The following BDH2 variants were observed in gnomAD, a reference collection of about 807,000 sequenced individuals.
The protein encoded by BDH2 is 3-hydroxybutyrate dehydrogenase 2.
In BDH2, 24 loss-of-function variants were observed where a neutral mutation model predicts 33.2. That is an observed-to-expected ratio of 0.72 (90% CI 0.52 to 1.02). BDH2 has a LOEUF of 1.02. Ranked by LOEUF, BDH2 falls within the 50% of genes least tolerant of loss-of-function variation. The probability of loss-of-function intolerance (pLI) is 0.00; values close to 1 mark genes in which losing one functional copy is unlikely to be tolerated. For synonymous variants in BDH2, 81 were observed against 101.6 expected (o/e 0.80, Z 1.22); for missense variants, 249 against 301.6 (o/e 0.83, Z 1.29).
At chr4:103,095,877 C>T (rs956781342) in intron 2 of BDH2, among the ~76,000 whole-genome samples, 2 of 152,118 alleles carry the variant, frequency 1.3e-5, no homozygotes, top group African/African-American at 4.8e-5. Context: ...AGCTGTGTAA[C>T]CCTGTTTGCC....
Position 103,084,890 on chromosome 4 carries a change from T to C in BDH2, c.532+459A>G, listed in dbSNP as rs111635099. 7.7e-3 allele frequency among the ~76,000 whole-genome samples: 1,156 copies of C among 150,358 alleles called. 11 individuals carry two copies. The highest frequency in any genetic ancestry group is 0.026 in the African/African-American group (1,066 of 40,542). ...AGGTTTGAAAGGTCCCCAGGTCATA[T>C]TGAAATGTTTCCCTTTCACACACCA... On this transcript the variant is annotated intron_variant, in intron 7 of 9. Coordinates refer to ENST00000296424, the MANE Select transcript of BDH2 (RefSeq NM_020139.4).
At chr4:103,097,352 G>A (rs919532236) in intron 1 of BDH2, among the ~76,000 whole-genome samples, 7 of 152,192 alleles carry the variant, frequency 4.6e-5, no homozygotes, top group Admixed American at 1.3e-4. Context: ...CACTGACACC[G>A]GGGCTCATGT....
chr4:103,091,413 A>G, intron 4 of BDH2, 128 bp from the exon 5 acceptor site: 1 of 608,038 alleles, frequency 1.6e-6, no homozygotes, highest in Non-Finnish European at 3.0e-6. Context: ...ACTTTAAACA[A>G]TTCATAGTAT....
intron 1 of BDH2, among the ~76,000 whole-genome samples, chr4:103,096,675 G>C (rs1314776774): frequency 6.6e-6 from 1 of 151,728 alleles, no homozygotes; most frequent in South Asian, 2.1e-4. Context: ...TGAGTAGCTG[G>C]GATTACAGGT....
chr4:103,092,399 C>T lies in BDH2; in HGVS notation c.248+201G>A, dbSNP rs933689774. Reference sequence around the variant, plus strand: ...TCTGTCTTGAGTAGACCTCATTTGCCCCAGATCATGTCAAACTCTAAGGCT... The same window carrying T: ...TCTGTCTTGAGTAGACCTCATTTGCTCCAGATCATGTCAAACTCTAAGGCT... On this transcript the variant is annotated intron_variant, in intron 4 of 9. Transcript: ENST00000296424. The T allele has an allele frequency of 4.3e-5, 25 of 576,784 alleles. No homozygotes were observed. In the African/African-American group the frequency reaches 4.5e-4, roughly 10 times the overall value. 35.7% of individuals were successfully genotyped at this position (576,784 alleles called of 1,614,324 possible). A position where few individuals can be genotyped will look rare whatever the true frequency, so the allele number is the denominator to read the frequency against.
At chr4:103,084,235 A>G (rs1032656041) in intron 7 of BDH2, among the ~76,000 whole-genome samples, 4 of 152,236 alleles carry the variant, frequency 2.6e-5, no homozygotes, top group African/African-American at 9.6e-5. Flanking sequence ...CATATCTTAC[A>G]TATGACTGGT....
At position 103,079,663 on chromosome 4, in the gene BDH2, G is replaced by T; in HGVS notation, c.*39C>A. ...TCGTAACCAGGTTCACTGTGGATAG[G>T]AAGGGCCTGCCTTCCTTCCCACCAT... On this transcript the variant is annotated 3_prime_UTR_variant, in exon 10 of 10. Coordinates refer to ENST00000296424, the MANE Select transcript of BDH2 (RefSeq NM_020139.4). 1 of 1,594,428 alleles carries T rather than the reference G, an allele frequency of 6.3e-7. No homozygotes were observed. The highest frequency in any genetic ancestry group is 8.6e-7 in the Non-Finnish European group (1 of 1,162,806).
In BDH2 at chr4:103,079,700, A is replaced by T. The variant is rs200566395; in HGVS notation, c.*2T>A. On this transcript the variant is annotated 3_prime_UTR_variant, in exon 10 of 10. Transcript: ENST00000296424. ...TTCCTTCCCACCATGGAGATCCTAA[A>T]ATCACAAGCTCCAGCCTCCATCAAT... 5.6e-6 allele frequency: 9 copies of T among 1,613,868 alleles called. No homozygotes were observed. The Admixed American group carries it at 1.3e-4, about 24-fold the overall frequency.
chr4:103,078,076 A>G lies in BDH2; in HGVS notation c.*1626T>C, dbSNP rs1442211759. 1.3e-5 allele frequency among the ~76,000 whole-genome samples: 2 copies of G among 152,222 alleles called. No homozygotes were observed. The highest frequency in any genetic ancestry group is 2.9e-5 in the Non-Finnish European group (2 of 68,032). On this transcript the variant is annotated 3_prime_UTR_variant, in exon 10 of 10. Transcript: ENST00000296424. ...TCAGAATTTTCCATGTTAATATTAA[A>G]GTTCTAGGAAAAAAGGCTAAGAATC...
At chr4:103,086,341 A>G in intron 6 of BDH2, 139 bp downstream of exon 6, 1 of 1,371,144 alleles carries the variant, frequency 7.3e-7, no homozygotes, top group Non-Finnish European at 9.4e-7. Context: ...AAGGAACTTA[A>G]TACCAATTTT....
At chr4:103,091,765 G>A (rs867564522) in intron 4 of BDH2, 1 of 455,650 alleles carries the variant, frequency 2.2e-6, no homozygotes, top group Admixed American at 2.4e-5. Flanking sequence ...AAGAGAGAGA[G>A]AAAAAACATC....
Position 103,096,338 on chromosome 4 carries a change from T to C in BDH2, c.-20-64A>G, listed in dbSNP as rs955233994. The C allele has an allele frequency of 1.3e-5, 13 of 1,007,662 alleles. No homozygotes were observed. The South Asian group carries it at 1.8e-4, about 14-fold the overall frequency. 62.4% of individuals were successfully genotyped at this position (1,007,662 alleles called of 1,614,324 possible). ...ATGATCTTGAGCAGGCAGTAACATC[T>C]AGAATGAATAGTTCAGTGTGCTCTT... On this transcript the variant is annotated intron_variant, in intron 1 of 9. Coordinates refer to ENST00000296424, the MANE Select transcript of BDH2 (RefSeq NM_020139.4).
At chr4:103,081,803 A>T (rs531916145) in intron 9 of BDH2, among the ~76,000 whole-genome samples, 10 of 152,302 alleles carry the variant, frequency 6.6e-5, no homozygotes, top group Admixed American at 6.5e-4. Context: ...TAATTTTTGA[A>T]AGGAACTGTC....
Position 103,085,439 on chromosome 4 carries a change from TG to T in BDH2, c.441del (p.Tyr147Ter). On this transcript the variant is annotated frameshift_variant, in exon 7 of 10. Transcript: ENST00000296424. The stretch of plus-strand genomic sequence containing the variant: ...CCAATCACGGCTGCCTTGGTTGTGC[TG>T]TACACACATCTGTTCACAACTCCTG... Reference protein sequence around the residue: ...SVKGVVNRCVYSTTKAAVIGL... With the variant: ...SVKGVVNRCVXSTTKAAVIGL... 1 of 1,613,346 alleles carries T rather than the reference TG, an allele frequency of 6.2e-7. No homozygotes were observed. The highest frequency in any genetic ancestry group is 8.5e-7 in the Non-Finnish European group (1 of 1,179,736).
intron 1 of BDH2, chr4:103,097,838 A>G (rs1748482216): frequency 6.6e-6 from 1 of 152,220 alleles, no homozygotes; most frequent in African/African-American, 2.4e-5. Flanking sequence ...AGCCTACACA[A>G]TCACTCTGTT....
At chr4:103,096,924 C>G (rs1748439257) in intron 1 of BDH2, among the ~76,000 whole-genome samples, 3 of 152,272 alleles carry the variant, frequency 2.0e-5, no homozygotes, top group South Asian at 2.1e-4. Flanking sequence ...TCACTACCAC[C>G]ATCACTCTCT....
intron 3 of BDH2, among the ~76,000 whole-genome samples, chr4:103,094,139 T>C (rs1748245946): frequency 6.6e-6 from 1 of 152,180 alleles, no homozygotes; most frequent in South Asian, 2.1e-4. Context: ...ATAATCTGGG[T>C]ACTCTCTTAG....
chr4:103,081,192 A>G (rs1012966869), intron 9 of BDH2, among the ~76,000 whole-genome samples: 2 of 152,256 alleles, frequency 1.3e-5, no homozygotes, highest in Non-Finnish European at 2.9e-5. Flanking sequence ...TAAGCCATTT[A>G]AAAGTAAACA....
intron 8 of BDH2, 89 bp from the exon 9 acceptor site, chr4:103,082,262 A>G (rs941887712): frequency 9.0e-7 from 1 of 1,113,022 alleles, no homozygotes. Context: ...AGGCAAGAGA[A>G]TCCACTGGCT....
Sources: allele counts gnomAD v4.1 joint callset (sites outside exome capture counted in the v4.1 genomes callset), GRCh38; gene constraint gnomAD v4.1.1; transcripts MANE v1.5; gene names NCBI Gene and HGNC (gene_info 2026-07-23, HGNC 2026-07-21).